Variants in SMYD3 observed in about 807,000 individuals in gnomAD.
The protein encoded by SMYD3 is histone-lysine N-methyltransferase SMYD3.
SMYD3 carries 36 observed loss-of-function variants against 57.7 expected under a neutral mutation model. That is an observed-to-expected ratio of 0.62 (90% CI 0.48 to 0.82). The LOEUF (loss-of-function observed/expected upper bound fraction) is 0.82, where lower values mean the gene tolerates loss of function less well. Ranked by LOEUF, SMYD3 falls within the 40% of genes least tolerant of loss-of-function variation. The pLI is 0.00. For synonymous variants in SMYD3, 211 were observed against 195.0 expected, an observed-to-expected ratio of 1.08 and a Z score of -0.68; for missense variants, 515 against 538.8, an observed-to-expected ratio of 0.96 and a Z score of 0.44.
chr1:245,817,528 C>A (rs924162371), intron 10 of SMYD3, among the ~76,000 whole-genome samples: 1 of 151,970 alleles, frequency 6.6e-6, no homozygotes, highest in Non-Finnish European at 1.5e-5. Context: ...TCACCAGCAA[C>A]GGAACAAAGC....
chr1:246,082,001 G>A (rs775102989), intron 5 of SMYD3, among the ~76,000 whole-genome samples: 4 of 152,234 alleles, frequency 2.6e-5, no homozygotes, highest in Non-Finnish European at 5.9e-5. Context: ...CCAAGATCAT[G>A]ACGGTGAGAG....
At chr1:246,440,990 C>G (rs1472553241) in intron 1 of SMYD3, among the ~76,000 whole-genome samples, 2 of 152,138 alleles carry the variant, frequency 1.3e-5, no homozygotes, top group African/African-American at 4.8e-5. Flanking sequence ...TTACACACAC[C>G]TGTTAGTGGG....
At chr1:246,338,968 C>T (rs1421666926) in intron 2 of SMYD3, among the ~76,000 whole-genome samples, 1 of 152,196 alleles carries the variant, frequency 6.6e-6, no homozygotes, top group Non-Finnish European at 1.5e-5. Context: ...TTATCCAAAT[C>T]CAATGCAACT....
intron 1 of SMYD3, among the ~76,000 whole-genome samples, chr1:246,493,291 CT>C (rs2068299978): frequency 6.6e-6 from 1 of 151,788 alleles, no homozygotes; most frequent in Non-Finnish European, 1.5e-5. Context: ...ATAGTGAGAC[CT>C]TGTCTCTCTG....
intron 2 of SMYD3, among the ~76,000 whole-genome samples, chr1:246,350,418 C>A (rs1254493296): frequency 6.6e-6 from 1 of 152,094 alleles, no homozygotes; most frequent in Non-Finnish European, 1.5e-5. Context: ...GCAGCTAATC[C>A]AGAAAAGAGA....
intron 7 of SMYD3, among the ~76,000 whole-genome samples, chr1:245,916,686 T>A (rs2055447431): frequency 6.6e-6 from 1 of 152,208 alleles, no homozygotes; most frequent in South Asian, 2.1e-4. Context: ...TGAGCCATCA[T>A]TACCTCTCAC....
intron 1 of SMYD3, among the ~76,000 whole-genome samples, chr1:246,491,426 G>C (rs1047788954): frequency 2.6e-5 from 4 of 152,026 alleles, no homozygotes; most frequent in Non-Finnish European, 5.9e-5. Flanking sequence ...GGTAATTCCA[G>C]CTAGCGGGGA....
At chr1:245,793,086 G>A (rs1432307884) in intron 10 of SMYD3, among the ~76,000 whole-genome samples, 1 of 140,930 alleles carries the variant, frequency 7.1e-6, no homozygotes. Context: ...CGAGGCGGGT[G>A]ATCACGAAAT....
intron 1 of SMYD3, among the ~76,000 whole-genome samples, chr1:246,377,042 G>A (rs1481703689): frequency 6.6e-6 from 1 of 152,152 alleles, no homozygotes; most frequent in African/African-American, 2.4e-5. Flanking sequence ...AGAGGTTGCA[G>A]TAAACCGAGA....
chr1:245,805,434 G>A (rs1271342838), intron 10 of SMYD3, among the ~76,000 whole-genome samples: 1 of 152,188 alleles, frequency 6.6e-6, no homozygotes, highest in Non-Finnish European at 1.5e-5. Context: ...TAGCAGAACA[G>A]TACTCAATGT....
At chr1:245,977,362 G>A (rs1558551979) in intron 5 of SMYD3, among the ~76,000 whole-genome samples, 1 of 152,194 alleles carries the variant, frequency 6.6e-6, no homozygotes, top group Non-Finnish European at 1.5e-5. Context: ...CACCATTGGA[G>A]GAAGTCCATC....
At chr1:245,983,214 CTT>C (rs1209425889) in intron 5 of SMYD3, among the ~76,000 whole-genome samples, 1 of 152,150 alleles carries the variant, frequency 6.6e-6, no homozygotes, top group Non-Finnish European at 1.5e-5. Flanking sequence ...TTTTCAGACT[CTT>C]TCACCCCATG....
At chr1:245,799,883 T>C (rs558413491) in intron 10 of SMYD3, among the ~76,000 whole-genome samples, 40 of 151,890 alleles carry the variant, frequency 2.6e-4, no homozygotes, top group Non-Finnish European at 5.1e-4. Context: ...TCTCCCGACC[T>C]AGGCACACCT....
chr1:246,078,874 G>A (rs2060590250), intron 5 of SMYD3, among the ~76,000 whole-genome samples: 1 of 152,172 alleles, frequency 6.6e-6, no homozygotes, highest in Admixed American at 6.5e-5. Context: ...ATTATTTACT[G>A]AGCACCAAGT....
chr1:246,362,892 G>C (rs1187904705), intron 1 of SMYD3, among the ~76,000 whole-genome samples: 2 of 152,060 alleles, frequency 1.3e-5, no homozygotes. Context: ...ACCCCGTCTG[G>C]GAAGTGAGGA....
At chr1:246,501,464 T>G (rs2068454334) in intron 1 of SMYD3, among the ~76,000 whole-genome samples, 1 of 152,206 alleles carries the variant, frequency 6.6e-6, no homozygotes, top group South Asian at 2.1e-4. Flanking sequence ...GTACCTGTTG[T>G]ATCAAGACAC....
intron 5 of SMYD3, among the ~76,000 whole-genome samples, chr1:246,043,679 G>T (rs2059916033): frequency 6.6e-6 from 1 of 152,214 alleles, no homozygotes; most frequent in Non-Finnish European, 1.5e-5. Flanking sequence ...CCTTTAAAAT[G>T]TGATTAAACA....
intron 5 of SMYD3, among the ~76,000 whole-genome samples, chr1:246,074,862 G>A (rs1401507811): frequency 2.6e-5 from 4 of 151,584 alleles, no homozygotes; most frequent in Admixed American, 2.6e-4. Flanking sequence ...CCTTCACAGG[G>A]GTAACAAAGT....
chr1:245,954,375 A>G (rs531957626), intron 5 of SMYD3, among the ~76,000 whole-genome samples: 1 of 152,326 alleles, frequency 6.6e-6, no homozygotes, highest in East Asian at 1.9e-4. Flanking sequence ...AAAGGGGACG[A>G]TAAAGAAAGT....
Sources: allele counts gnomAD v4.1 joint callset (sites outside exome capture counted in the v4.1 genomes callset), GRCh38; gene constraint gnomAD v4.1.1; transcripts MANE v1.5; gene names NCBI Gene and HGNC (gene_info 2026-07-23, HGNC 2026-07-21).